The following COL15A1 variants were observed in gnomAD, a reference collection of about 807,000 sequenced individuals.
The protein encoded by COL15A1 is collagen alpha-1(XV) chain.
In COL15A1, 111 loss-of-function variants were observed where a neutral mutation model predicts 165.9. That is an observed-to-expected ratio of 0.67 (90% CI 0.57 to 0.78). COL15A1 has a LOEUF of 0.78. Among genes scored for constraint, COL15A1 ranks in the 30% least tolerant of loss-of-function variants. The pLI is 0.00. For synonymous variants in COL15A1, 659 were observed against 674.8 expected (o/e 0.98, Z 0.36); for missense variants, 1,745 against 1,789.7 (o/e 0.98, Z 0.45).
At chr9:99,062,963 G>T in intron 38 of COL15A1, 87 bp from the exon 39 acceptor site, 2 of 1,484,308 alleles carry the variant, frequency 1.3e-6, no homozygotes, top group Admixed American at 2.7e-5. Context: ...ATCTTCTCAA[G>T]AAACATTGCA....
chr9:99,010,862 G>T (rs1280395791), intron 9 of COL15A1, among the ~76,000 whole-genome samples: 1 of 152,188 alleles, frequency 6.6e-6, no homozygotes, highest in Non-Finnish European at 1.5e-5. Flanking sequence ...TAAAGTGTAA[G>T]ATCTGTTTAT....
chr9:98,975,813 G>C (rs74474731), intron 2 of COL15A1, among the ~76,000 whole-genome samples: 4,870 of 152,328 alleles, frequency 0.032, 253 homozygotes, highest in African/African-American at 0.11. Context: ...GATGTTTAGA[G>C]GAGGGGGGAT....
chr9:99,058,280 G>T (rs1321020824), intron 35 of COL15A1, among the ~76,000 whole-genome samples: 3 of 152,236 alleles, frequency 2.0e-5, no homozygotes, highest in Non-Finnish European at 2.9e-5. Context: ...CTTGGGTGAG[G>T]TACCCAATCT....
rs1248817060 is a variant in COL15A1 at position 98,962,954 on chromosome 9, G to A, written c.100+18704G>A. Among the ~76,000 whole-genome samples the A allele has an allele frequency of 3.4e-4, 52 of 152,222 alleles. 1 individual carries two copies. On this transcript the variant is annotated intron_variant, in intron 2 of 41. Transcript: ENST00000375001. ...GGTGCTCAATAAATGCTTCTGGAAT[G>A]AATAGAAATGTGTGTGTTGATGGCC...
chr9:98,952,602 G>A (rs1486050852), intron 2 of COL15A1, among the ~76,000 whole-genome samples: 6 of 151,990 alleles, frequency 3.9e-5, no homozygotes, highest in Non-Finnish European at 8.8e-5. Context: ...GCCCAGGCTG[G>A]TCTTGAACTC....
intron 16 of COL15A1, among the ~76,000 whole-genome samples, chr9:99,030,570 G>A (rs1434982579): frequency 6.6e-6 from 1 of 152,150 alleles, no homozygotes; most frequent in African/African-American, 2.4e-5. Flanking sequence ...GTCTAAGCTG[G>A]ATAAAATCAT....
chr9:99,023,297 G>T, intron 13 of COL15A1, 60 bp from the exon 14 acceptor site: 2 of 1,530,480 alleles, frequency 1.3e-6, no homozygotes, highest in Non-Finnish European at 1.8e-6. Flanking sequence ...ACTCAGTGAC[G>T]TGGCTGTCCT....
intron 22 of COL15A1, 122 bp from the exon 23 acceptor site, chr9:99,040,399 A>G (rs769038272): frequency 9.9e-6 from 15 of 1,520,730 alleles, no homozygotes; most frequent in African/African-American, 1.4e-5. Context: ...TGCTGTGTCA[A>G]TCCGTCTTCC....
rs779060141 is a variant in COL15A1, at chr9:99,000,807, G to A, written c.953-32G>A. The A allele has an allele frequency of 4.9e-6, 5 of 1,014,504 alleles. No individual in the cohort carries two copies. In the South Asian group the frequency reaches 5.2e-5, roughly 10 times the overall value. The allele number at this position is 1,014,504 out of a possible 1,614,324, so 62.8% of individuals were successfully genotyped here. A position where few individuals can be genotyped will look rare whatever the true frequency, so the allele number is the denominator to read the frequency against. ...TTCTTTTCCAAGACTGCAAAATGTA[G>A]TTATTGATAGCAGAATGCCTGCTTC... On this transcript the variant is annotated intron_variant, in intron 6 of 41. Transcript: ENST00000375001.
At chr9:99,001,309 G>A (rs1838650467) in intron 7 of COL15A1, among the ~76,000 whole-genome samples, 1 of 152,200 alleles carries the variant, frequency 6.6e-6, no homozygotes, top group South Asian at 2.1e-4. Context: ...TTAACTGCAG[G>A]TGTGTTCATG....
intron 5 of COL15A1, among the ~76,000 whole-genome samples, chr9:98,994,302 A>G (rs750715360): frequency 1.3e-5 from 2 of 151,996 alleles, no homozygotes; most frequent in Non-Finnish European, 2.9e-5. Context: ...CTCTTTCCCA[A>G]CCACACCCAG....
chr9:98,960,521 C>T (rs543567094), intron 2 of COL15A1, among the ~76,000 whole-genome samples: 5 of 152,322 alleles, frequency 3.3e-5, no homozygotes, highest in South Asian at 2.1e-4. Context: ...AGATCTGTAC[C>T]TTAACCAGGC....
chr9:99,007,717 T>C (rs920945002), intron 9 of COL15A1, among the ~76,000 whole-genome samples: 2 of 152,354 alleles, frequency 1.3e-5, no homozygotes, highest in Admixed American at 6.5e-5. Context: ...AATAGGTTGC[T>C]GTTATTTTCC....
intron 2 of COL15A1, among the ~76,000 whole-genome samples, chr9:98,982,300 A>C (rs2118874448): frequency 6.6e-6 from 1 of 152,238 alleles, no homozygotes; most frequent in African/African-American, 2.4e-5. Flanking sequence ...AATGTATTTT[A>C]TTTATCCATT....
chr9:99,011,682 T>C (rs1391927346), intron 9 of COL15A1, among the ~76,000 whole-genome samples: 5 of 152,132 alleles, frequency 3.3e-5, no homozygotes. Flanking sequence ...TTAATTGGAA[T>C]ATACCCAACT....
chr9:99,022,280 C>T, intron 13 of COL15A1, 130 bp downstream of exon 13: 2 of 1,100,512 alleles, frequency 1.8e-6, no homozygotes, highest in Non-Finnish European at 2.7e-6. Flanking sequence ...GGGCTTTCTG[C>T]CTCTACTAGG....
chr9:99,062,211 G>A (rs1165510990), intron 37 of COL15A1, 34 bp from the exon 38 acceptor site: 1 of 1,604,944 alleles, frequency 6.2e-7, no homozygotes, highest in Non-Finnish European at 8.5e-7. Flanking sequence ...GTTTGTAATT[G>A]ATCTTTCATT....
intron 2 of COL15A1, among the ~76,000 whole-genome samples, chr9:98,947,986 G>A (rs1837611937): frequency 6.6e-6 from 1 of 152,186 alleles, no homozygotes; most frequent in Non-Finnish European, 1.5e-5. Flanking sequence ...TCCCATCTAC[G>A]AAGTGGAGAG....
intron 39 of COL15A1, among the ~76,000 whole-genome samples, chr9:99,066,194 G>A (rs1007831370): frequency 2.0e-5 from 3 of 151,470 alleles, no homozygotes; most frequent in Admixed American, 6.6e-5. Flanking sequence ...AAGGCTGAGA[G>A]AGGGCAGTAG....
Sources: gnomAD v4.1 joint callset for allele counts (sites outside exome capture counted in the v4.1 genomes callset) on GRCh38, gnomAD v4.1.1 for gene constraint, MANE v1.5 for transcripts, NCBI Gene and HGNC (gene_info 2026-07-23, HGNC 2026-07-21) for gene names.